DRICH1: variants seen among roughly 807,000 people sequenced by gnomAD.
DRICH1 encodes the protein aspartate rich 1, also known as aspartate-rich protein 1.
DRICH1 carries 38 observed loss-of-function variants against 39.5 expected under a neutral mutation model. The observed-to-expected ratio is 0.96, with a 90% CI of 0.74 to 1.26. The LOEUF is 1.26. Among genes scored for constraint, DRICH1 ranks in the 50% most tolerant of loss-of-function variants. DRICH1 has a pLI of 0.00. For synonymous variants in DRICH1, 84 were observed against 99.5 expected (o/e 0.84, Z 0.93); for missense variants, 279 against 270.4 (o/e 1.03, Z -0.22).
chr22:23,611,744 A>T (rs762571994), intron 11 of DRICH1, among the ~76,000 whole-genome samples: 9 of 152,178 alleles, frequency 5.9e-5, no homozygotes, highest in Non-Finnish European at 1.3e-4. Context: ...ACAAAGCTGA[A>T]AATTTCCTTT....
At chr22:23,585,618 A>G in the DRICH1 span, among the ~76,000 whole-genome samples, 3 of 152,066 alleles carry the variant, frequency 2.0e-5, no homozygotes, top group African/African-American at 7.2e-5. Flanking sequence ...CCTAGGCTCA[A>G]GTGATCCTCC....
chr22:23,631,190 C>T lies in DRICH1; in HGVS notation c.208+626G>A, dbSNP rs369490417. Among the ~76,000 whole-genome samples, 10 of 152,098 alleles carry T rather than the reference C, an allele frequency of 6.6e-5. No homozygotes were observed. In the South Asian group the frequency reaches 1.7e-3, roughly 25 times the overall value. On this transcript the variant is annotated intron_variant, in intron 1 of 11. Coordinates refer to ENST00000317749, the MANE Select transcript of DRICH1 (RefSeq NM_016449.4). ...ATCACAGCACTTTGGGAGGCCGAGG[C>T]GGGCAGATCACCAGGTCAGGAGATC... is the stretch of plus-strand genomic sequence containing the variant.
chr22:23,614,156 TTCTTCTTCATCTTTG>T lies in DRICH1; in HGVS notation c.585_599del (p.His195_Glu200delinsGln), dbSNP rs1350069453. 6.2e-7 allele frequency: 1 copy of T among 1,613,562 alleles called. No homozygotes were observed. Among genetic ancestry groups the T allele is most frequent in the Non-Finnish European group, 8.5e-7 (1 of 1,179,448 alleles). On this transcript the variant is annotated inframe_deletion, in exon 9 of 12. Transcript: ENST00000317749. ...TTACGTGGATGTCATCATCATCTTC[TTCTTCTTCATCTTTG>T]TGTCTCAGTGAGCATCTTAAAAACA...
In DRICH1 at chr22:23,608,675, T is replaced by C; in HGVS notation, c.*89A>G. Reference sequence around the variant, plus strand: ...GTTTTCCTCAGAATGTAGAGAGGATTGAGACCTCCAGGGGCAAAGCTGGGG... The same window carrying C: ...GTTTTCCTCAGAATGTAGAGAGGATCGAGACCTCCAGGGGCAAAGCTGGGG... On this transcript the variant is annotated 3_prime_UTR_variant, in exon 12 of 12. Transcript: ENST00000317749. 2 of 1,296,712 alleles carry C rather than the reference T, an allele frequency of 1.5e-6. No individual in the cohort carries two copies. Among genetic ancestry groups the C allele is most frequent in the Non-Finnish European group, 2.2e-6 (2 of 916,312 alleles). The allele number at this position is 1,296,712 out of a possible 1,614,324, so 80.3% of individuals were successfully genotyped here.
the DRICH1 span, among the ~76,000 whole-genome samples, chr22:23,594,840 G>A: frequency 6.6e-6 from 1 of 151,734 alleles, no homozygotes; most frequent in Non-Finnish European, 1.5e-5. Context: ...TGTGGTTTCA[G>A]GGCCTGGAGG....
the DRICH1 span, among the ~76,000 whole-genome samples, chr22:23,602,707 T>TC: frequency 6.6e-6 from 1 of 150,914 alleles, no homozygotes; most frequent in African/African-American, 2.5e-5. Flanking sequence ...CTTAGAGAAA[T>TC]TTGGGGGGGG....
intron 11 of DRICH1, among the ~76,000 whole-genome samples, chr22:23,609,155 A>G (rs1385290834): frequency 2.6e-5 from 4 of 152,100 alleles, no homozygotes; most frequent in Non-Finnish European, 5.9e-5. Context: ...CAGACAGCTG[A>G]GTTTGGACAA....
At chr22:23,624,830 A>G in intron 3 of DRICH1, 53 bp downstream of exon 3, 2 of 1,586,400 alleles carry the variant, frequency 1.3e-6, no homozygotes, top group African/African-American at 2.7e-5. Flanking sequence ...GTTTCTATAT[A>G]TTAAAGCTAG....
chr22:23,620,991 T>A (rs2048768037), intron 4 of DRICH1, among the ~76,000 whole-genome samples: 1 of 152,140 alleles, frequency 6.6e-6, no homozygotes, highest in South Asian at 2.1e-4. Context: ...CCCGCTGAAC[T>A]CCATCCTCAC....
the DRICH1 span, among the ~76,000 whole-genome samples, chr22:23,602,468 T>C: frequency 6.6e-6 from 1 of 152,082 alleles, no homozygotes; most frequent in Non-Finnish European, 1.5e-5. Context: ...GTGGGTCACT[T>C]GGGGCCAGGA....
At chr22:23,582,304 C>T in the DRICH1 span, among the ~76,000 whole-genome samples, 6 of 150,430 alleles carry the variant, frequency 4.0e-5, no homozygotes, top group African/African-American at 7.4e-5. Context: ...GAGACGGAGT[C>T]TCACTCTGTT....
At chr22:23,624,467 C>T (rs955089065) in intron 3 of DRICH1, 2 of 502,016 alleles carry the variant, frequency 4.0e-6, no homozygotes, top group South Asian at 8.6e-5. Context: ...TGTTTCTACA[C>T]CCTCCCTCAG....
At chr22:23,603,150 C>T in the DRICH1 span, among the ~76,000 whole-genome samples, 1 of 151,904 alleles carries the variant, frequency 6.6e-6, no homozygotes, top group African/African-American at 2.4e-5. Flanking sequence ...GAATTTTTAG[C>T]TGAAGTTTTA....
At chr22:23,596,010 G>T in the DRICH1 span, among the ~76,000 whole-genome samples, 1 of 152,200 alleles carries the variant, frequency 6.6e-6, no homozygotes, top group South Asian at 2.1e-4. Context: ...GGAACCCACA[G>T]CCTGTCTTCT....
In DRICH1 at chr22:23,614,214, GC is replaced by G. The variant is rs1454711802; in HGVS notation, c.542-1del. Reference sequence around the variant, plus strand: ...TAAAAACAGGCTATCTTCAGAACAAGCTGGAAGGACACAGAGGAAAGATCAG... The same window carrying G: ...TAAAAACAGGCTATCTTCAGAACAAGTGGAAGGACACAGAGGAAAGATCAG... On this transcript the variant is annotated splice_acceptor_variant, in intron 8 of 11. Transcript: ENST00000317749. LOFTEE classifies it high-confidence loss of function. 6.2e-7 allele frequency: 1 copy of G among 1,611,452 alleles called. No individual in the cohort carries two copies. The highest frequency in any genetic ancestry group is 8.5e-7 in the Non-Finnish European group (1 of 1,177,546).
chr22:23,632,581 T>A (rs554399149), upstream of DRICH1, among the ~76,000 whole-genome samples: 436 of 152,238 alleles, frequency 2.9e-3, 2 homozygotes, highest in Non-Finnish European at 3.9e-3. Context: ...GGAGTTGTTA[T>A]TGCGAGTCAC....
At chr22:23,588,169 C>G in the DRICH1 span, among the ~76,000 whole-genome samples, 1 of 152,210 alleles carries the variant, frequency 6.6e-6, no homozygotes, top group Non-Finnish European at 1.5e-5. Flanking sequence ...CTCTGTCACC[C>G]AGGCTGGAAT....
chr22:23,599,489 C>A, the DRICH1 span, among the ~76,000 whole-genome samples: 1 of 152,216 alleles, frequency 6.6e-6, no homozygotes, highest in Non-Finnish European at 1.5e-5. Context: ...AGGGCCCAGC[C>A]ATGCGGCAGA....
intron 3 of DRICH1, chr22:23,624,340 A>T: frequency 7.1e-6 from 7 of 985,266 alleles, no homozygotes; most frequent in Non-Finnish European, 8.4e-6. Flanking sequence ...ATAATAAAGC[A>T]AGAAGAAATG....
Sources: gnomAD v4.1 joint callset for allele counts (sites outside exome capture counted in the v4.1 genomes callset) on GRCh38, gnomAD v4.1.1 for gene constraint, MANE v1.5 for transcripts, NCBI Gene and HGNC (gene_info 2026-07-23, HGNC 2026-07-21) for gene names.